The following FRMPD3 variants were observed in gnomAD, a reference collection of about 807,000 sequenced individuals.
The protein encoded by FRMPD3 is FERM and PDZ domain-containing protein 3.
In FRMPD3, 42 loss-of-function variants were observed where a neutral mutation model predicts 97.9. That is an observed-to-expected ratio of 0.43 (90% CI 0.34 to 0.55). The LOEUF is 0.55. FRMPD3 is among the 20% of genes least tolerant of loss of function. FRMPD3 has a pLI of 0.03. For synonymous variants in FRMPD3, 577 were observed against 581.1 expected, an observed-to-expected ratio of 0.99 and a Z score of 0.10; for missense variants, 1,303 against 1,457.7, an observed-to-expected ratio of 0.89 and a Z score of 1.73.
chrX:107,457,228 T>A (rs1402259246), intron 1 of FRMPD3, among the ~76,000 whole-genome samples: 1 of 111,318 alleles, frequency 9.0e-6, no homozygotes. Flanking sequence ...GCTCTGTTTT[T>A]TTTTTCCAGA....
intron 12 of FRMPD3, among the ~76,000 whole-genome samples, chrX:107,573,939 G>A (rs1197346776): frequency 1.8e-5 from 2 of 112,164 alleles, no homozygotes; most frequent in African/African-American, 3.2e-5. Flanking sequence ...ATTGAGGGCT[G>A]TAGACTGAGC....
At chrX:107,512,142 T>A (rs1224207097) in intron 1 of FRMPD3, among the ~76,000 whole-genome samples, 1 of 110,823 alleles carries the variant, frequency 9.0e-6, no homozygotes, top group African/African-American at 3.3e-5. Flanking sequence ...CCTGGGTCTC[T>A]TCCTCATGCC....
chrX:107,475,080 G>A (rs958810656), intron 1 of FRMPD3, among the ~76,000 whole-genome samples: 1 of 111,955 alleles, frequency 8.9e-6, no homozygotes, highest in Non-Finnish European at 1.9e-5. Flanking sequence ...GTCTGAATAT[G>A]TGTATGTGTG....
intron 1 of FRMPD3, among the ~76,000 whole-genome samples, chrX:107,495,287 A>T (rs1309022708): frequency 9.0e-6 from 1 of 110,526 alleles, no homozygotes; most frequent in Non-Finnish European, 1.9e-5. Flanking sequence ...GCCTTTCCTG[A>T]CCACCTTTTT....
intron 6 of FRMPD3, 37 bp from the exon 7 acceptor site, chrX:107,552,758 A>G (rs1390847037): frequency 1.7e-6 from 2 of 1,199,386 alleles, no homozygotes; most frequent in South Asian, 3.6e-5. Flanking sequence ...TAGGGCCAGA[A>G]CTAATCTCCC....
chrX:107,568,931 GA>G (rs1922740419), intron 12 of FRMPD3, among the ~76,000 whole-genome samples: 2 of 104,248 alleles, frequency 1.9e-5, no homozygotes, highest in African/African-American at 7.1e-5. Context: ...GAGAGAGAGG[GA>G]GAGAGAGAGA....
At chrX:107,570,146 G>GAAGGA (rs1210904505) in intron 12 of FRMPD3, among the ~76,000 whole-genome samples, 6 of 89,493 alleles carry the variant, frequency 6.7e-5, no homozygotes, top group Non-Finnish European at 1.3e-4. Context: ...GGAAGGGAGG[G>GAAGGA]AAGGAAAGGA....
intron 12 of FRMPD3, among the ~76,000 whole-genome samples, chrX:107,568,246 T>C (rs1303734261): frequency 9.1e-6 from 1 of 109,518 alleles, no homozygotes; most frequent in Non-Finnish European, 1.9e-5. Context: ...ATTATTATAC[T>C]TTAAGTTTTA....
chrX:107,524,716 G>A (rs1338242169), intron 1 of FRMPD3, among the ~76,000 whole-genome samples: 1 of 112,467 alleles, frequency 8.9e-6, no homozygotes, highest in Non-Finnish European at 1.9e-5. Flanking sequence ...CTCTCGGCTA[G>A]GCGCGGTGGC....
chrX:107,477,293 G>A (rs1490561199), intron 1 of FRMPD3, among the ~76,000 whole-genome samples: 2 of 108,752 alleles, frequency 1.8e-5, no homozygotes, highest in East Asian at 5.8e-4. Flanking sequence ...AGGGCTGCTG[G>A]CATCCTGGCT....
At chrX:107,552,983 A>G in intron 7 of FRMPD3, 57 bp downstream of exon 7, 2 of 1,113,456 alleles carry the variant, frequency 1.8e-6, no homozygotes, top group Middle Eastern at 2.5e-4. Context: ...GAGAAGACCC[A>G]AGGCACTCCC....
At chrX:107,528,439 G>A (rs964442362) in intron 2 of FRMPD3, among the ~76,000 whole-genome samples, 1 of 111,110 alleles carries the variant, frequency 9.0e-6, no homozygotes, top group Non-Finnish European at 1.9e-5. Flanking sequence ...GGAGGGGAGG[G>A]AAGGGAAGAA....
chrX:107,552,737 T>C, intron 6 of FRMPD3, 58 bp from the exon 7 acceptor site: 1 of 1,161,923 alleles, frequency 8.6e-7, no homozygotes, highest in Admixed American at 2.4e-5. Flanking sequence ...TGTTTGATGC[T>C]TAGAATAGCT....
rs748272725 is a variant in FRMPD3 at position 107,545,675 on chromosome X, G to A, written c.298-62G>A. 33 of 928,182 alleles carry A rather than the reference G, an allele frequency of 3.6e-5. No individual in the cohort carries two copies. The South Asian group carries it at 3.7e-4, about 11-fold the overall frequency. The allele number at this position is 928,182 out of a possible 1,213,427, so 76.5% of individuals were successfully genotyped here. A position where few individuals can be genotyped will look rare whatever the true frequency, so the allele number is the denominator to read the frequency against. On this transcript the variant is annotated intron_variant, in intron 4 of 14. Transcript: ENST00000683843. ...TGTACTGGGACATCTTAACTCTGAC[G>A]TGACAAAGGTTAGGCTTTCCCTAGA...
chrX:107,537,321 T>G (rs186666906), intron 4 of FRMPD3, among the ~76,000 whole-genome samples: 3 of 111,893 alleles, frequency 2.7e-5, no homozygotes, highest in Non-Finnish European at 5.6e-5. Context: ...CATCAAGCAT[T>G]TATTAAATAC....
Position 107,530,492 on chromosome X carries a change from A to G in FRMPD3, c.232A>G (p.Arg78Gly), listed in dbSNP as rs774056054. ...AGACGTGAGTGAAGCCCCGAGGGAG[A>G]GACTCATAGAACTTATCAGGTAACA... Reference protein sequence around the residue: ...EEDVSEAPRERLIELIRSAKE... With the variant: ...EEDVSEAPREGLIELIRSAKE... The change falls in exon 3 of 15, where the codon AGA becomes GGA. Residue 78 changes from arginine (R) to glycine (G), a missense_variant. Around this residue, in one of 3 missense-constraint regions of FRMPD3, gnomAD observed 535 missense variants for 618.6 expected, o/e 0.86. Transcript: ENST00000683843. 1.0e-5 allele frequency: 12 copies of G among 1,184,074 alleles called. No homozygotes were observed. The highest frequency in any genetic ancestry group is 5.3e-5 in the African/African-American group (3 of 56,618).
At chrX:107,515,982 A>G (rs1006356180) in intron 1 of FRMPD3, among the ~76,000 whole-genome samples, 1 of 107,909 alleles carries the variant, frequency 9.3e-6, no homozygotes, top group African/African-American at 3.4e-5. Context: ...CCATTAACTC[A>G]TCATTTAACG....
At chrX:107,570,479 G>A (rs1311434988) in intron 12 of FRMPD3, among the ~76,000 whole-genome samples, 2 of 110,769 alleles carry the variant, frequency 1.8e-5, no homozygotes, top group Non-Finnish European at 3.8e-5. Flanking sequence ...ACCACTGGAT[G>A]CCCAGACTCT....
chrX:107,552,284 A>G (rs1208446659), intron 6 of FRMPD3, among the ~76,000 whole-genome samples: 3 of 112,350 alleles, frequency 2.7e-5, no homozygotes, highest in African/African-American at 9.7e-5. Flanking sequence ...ACATTTTGCC[A>G]GTAACTCAAG....
Sources: gnomAD v4.1 joint callset for allele counts (sites outside exome capture counted in the v4.1 genomes callset) on GRCh38, gnomAD v4.1.1 for gene constraint, gnomAD v4.1.1 regional missense constraint, MANE v1.5 for transcripts, NCBI Gene and HGNC (gene_info 2026-07-23, HGNC 2026-07-21) for gene names.